LRP4: variants seen among roughly 807,000 people sequenced by gnomAD.
LRP4 encodes the protein LDL receptor related protein 4, also known as low-density lipoprotein receptor-related protein 4.
Under a neutral mutation model 220.3 loss-of-function variants are expected in LRP4, and 95 were observed. The ratio of observed to expected loss-of-function variants is 0.43; its 90% confidence interval spans 0.37 to 0.51. LRP4 has a LOEUF of 0.51. LRP4 is among the 20% of genes least tolerant of loss of function. The pLI is 0.00. For synonymous variants in LRP4, 903 were observed against 954.6 expected (o/e 0.95, Z 1.00); for missense variants, 1,925 against 2,567.0 (o/e 0.75, Z 5.40).
At chr11:46,889,641 T>G in intron 15 of LRP4, 108 bp from the exon 16 acceptor site, 1 of 1,469,476 alleles carries the variant, frequency 6.8e-7, no homozygotes, top group South Asian at 1.2e-5. Context: ...AGGGAGAAAC[T>G]ATGTCTTATA....
At position 46,890,167 on chromosome 11, in the gene LRP4, T is replaced by TCCC. The variant is rs1941387987; in HGVS notation, c.1916-50_1916-48dup. Reference sequence around the variant, plus strand: ...CTCAGTCTGGACGTGGTCTGCCATGTCCCCTGGGCCCAGGCCTGGCAACTA... The same window carrying TCCC: ...CTCAGTCTGGACGTGGTCTGCCATGTCCCCCCCTGGGCCCAGGCCTGGCAACTA... On this transcript the variant is annotated intron_variant, in intron 14 of 37. Transcript: ENST00000378623. This position sits in a 1 kb window ranked among gnomAD's most constrained non-coding sequence, Gnocchi z 5.3. 5.0e-6 allele frequency: 8 copies of TCCC among 1,608,804 alleles called. No individual in the cohort carries two copies. Among genetic ancestry groups the TCCC allele is most frequent in the Non-Finnish European group, 6.8e-6 (8 of 1,175,526 alleles).
chr11:46,914,230 C>G (rs951772727), intron 1 of LRP4, among the ~76,000 whole-genome samples: 1 of 152,148 alleles, frequency 6.6e-6, no homozygotes, highest in Non-Finnish European at 1.5e-5. Flanking sequence ...AGGTAACAAC[C>G]CTGAGGTTCA....
chr11:46,892,877 A>T (rs1039958600), intron 13 of LRP4, 96 bp downstream of exon 13: 13 of 1,484,642 alleles, frequency 8.8e-6, no homozygotes, highest in Non-Finnish European at 1.1e-5. Context: ...GCTACACCAC[A>T]CTTTGAGGAT....
intron 30 of LRP4, 96 bp from the exon 31 acceptor site, chr11:46,871,729 G>A: frequency 1.2e-6 from 1 of 813,728 alleles, no homozygotes; most frequent in Non-Finnish European, 2.1e-6. Context: ...TGAGCTGACT[G>A]GCAGATGCTA....
intron 1 of LRP4, among the ~76,000 whole-genome samples, chr11:46,916,284 A>C (rs921810698): frequency 6.6e-6 from 1 of 151,990 alleles, no homozygotes; most frequent in African/African-American, 2.4e-5. Context: ...AGAAAAAAAA[A>C]CAAAAATTTG....
intron 35 of LRP4, 56 bp from the exon 36 acceptor site, chr11:46,864,591 T>C (rs1592511757): frequency 1.7e-6 from 2 of 1,180,664 alleles, no homozygotes; most frequent in East Asian, 2.3e-5. Flanking sequence ...CTAGCGGTGC[T>C]GGTGTGAGGA....
intron 1 of LRP4, among the ~76,000 whole-genome samples, chr11:46,915,390 A>G (rs1005997994): frequency 1.2e-4 from 18 of 152,202 alleles, no homozygotes; most frequent in Non-Finnish European, 2.2e-4. Context: ...CCATGCCCTT[A>G]CTTCAAACTT....
chr11:46,906,379 C>A (rs1209773871), intron 1 of LRP4, among the ~76,000 whole-genome samples: 1 of 151,656 alleles, frequency 6.6e-6, no homozygotes, highest in African/African-American at 2.4e-5. Flanking sequence ...TTGCTTGAAC[C>A]ATGGAGGCAG....
intron 18 of LRP4, among the ~76,000 whole-genome samples, chr11:46,884,342 G>A (rs762254569): frequency 6.6e-6 from 1 of 151,864 alleles, no homozygotes; most frequent in Non-Finnish European, 1.5e-5. Flanking sequence ...GGTGGCTCAC[G>A]CCTGTAATCC....
intron 7 of LRP4, among the ~76,000 whole-genome samples, chr11:46,898,062 C>T (rs186930464): frequency 4.3e-5 from 6 of 138,890 alleles, no homozygotes; most frequent in Non-Finnish European, 6.4e-5. Context: ...CTGACCCCCC[C>T]ACCTCCCTCC....
chr11:46,886,289 G>A (rs1471935060), intron 17 of LRP4, 36 bp downstream of exon 17: 1 of 1,596,012 alleles, frequency 6.3e-7, no homozygotes, highest in African/African-American at 1.3e-5. Flanking sequence ...GGAGAGGGTG[G>A]ATTCCACCCT....
intron 1 of LRP4, among the ~76,000 whole-genome samples, chr11:46,917,013 C>T (rs777307839): frequency 1.3e-5 from 2 of 152,230 alleles, no homozygotes; most frequent in Non-Finnish European, 2.9e-5. Context: ...AGAAAGAGCT[C>T]AGTCCGCGCT....
At chr11:46,912,826 G>A (rs1220214780) in intron 1 of LRP4, among the ~76,000 whole-genome samples, 1 of 152,210 alleles carries the variant, frequency 6.6e-6, no homozygotes, top group Non-Finnish European at 1.5e-5. Context: ...CCCGCAAAAA[G>A]GCACTGCCTG....
chr11:46,873,516 T>TCCACTGCCAGC lies in LRP4; in HGVS notation c.4296_4306dup (p.Asp1436GlyfsTer34). The TCCACTGCCAGC allele has an allele frequency of 6.2e-7, 1 of 1,614,210 alleles. No homozygotes were observed. The highest frequency in any genetic ancestry group is 8.5e-7 in the Non-Finnish European group (1 of 1,180,044). On this transcript the variant is annotated frameshift_variant, in exon 29 of 38. Coordinates refer to ENST00000378623, the MANE Select transcript of LRP4 (RefSeq NM_002334.4). LOFTEE classifies it high-confidence loss of function. This position sits in a 1 kb window ranked among gnomAD's most constrained non-coding sequence, Gnocchi z 4.2. ...CCAGTACAGGTTCCTGGCCACCCAG[T>TCCACTGCCAGC]CCACTGCCAGCCCGTCAGTGGTCTT...
At chr11:46,906,060 AAGCACTGGACCTGG>A (rs1343634260) in intron 1 of LRP4, among the ~76,000 whole-genome samples, 1 of 152,094 alleles carries the variant, frequency 6.6e-6, no homozygotes, top group African/African-American at 2.4e-5. Context: ...GCAGAGGACA[AAGCACTGGACCTGG>A]AGCAGACAGA....
Position 46,858,792 on chromosome 11 carries a change from A to G in LRP4, c.*191T>C, listed in dbSNP as rs765161633. 6 of 647,362 alleles carry G rather than the reference A, an allele frequency of 9.3e-6. No individual in the cohort carries two copies. The highest frequency in any genetic ancestry group is 1.7e-5 in the Non-Finnish European group (6 of 357,182). The allele number at this position is 647,362 out of a possible 1,614,324, so 40.1% of individuals were successfully genotyped here. A position where few individuals can be genotyped will look rare whatever the true frequency, so the allele number is the denominator to read the frequency against. ...CAGGTCTAAATTCTCGTGATGTGCC[A>G]TCATTTCTTGTGCACAGGTAGTTAT... On this transcript the variant is annotated 3_prime_UTR_variant, in exon 38 of 38. Coordinates refer to ENST00000378623, the MANE Select transcript of LRP4 (RefSeq NM_002334.4).
At chr11:46,863,584 CAAAA>C (rs55744712) in intron 36 of LRP4, among the ~76,000 whole-genome samples, 7 of 54,148 alleles carry the variant, frequency 1.3e-4, no homozygotes, top group East Asian at 5.1e-4. Context: ...ACTAAAAATA[CAAAA>C]AAAAAAAAAA....
chr11:46,918,329 G>A lies in LRP4; in HGVS notation c.51C>T (p.His17=), dbSNP rs1468417987. The A allele has an allele frequency of 6.6e-6, 10 of 1,508,340 alleles. No individual in the cohort carries two copies. In the East Asian group the frequency reaches 1.6e-4, roughly 24 times the overall value. The allele number at this position is 1,508,340 out of a possible 1,614,324, so 93.4% of individuals were successfully genotyped here. A position where few individuals can be genotyped will look rare whatever the true frequency, so the allele number is the denominator to read the frequency against. Residue 17 remains histidine (H), a splice_region_variant and synonymous_variant, in exon 1 of 38, where the codon CAC becomes CAT. Coordinates refer to ENST00000378623, the MANE Select transcript of LRP4 (RefSeq NM_002334.4). This position sits in a 1 kb window ranked among gnomAD's most constrained non-coding sequence, Gnocchi z 6.0. ...ALLLGALLCA[H]GLASSPECAC... is the part of the protein sequence containing the mutation. ...ACTTTCCCGGCGGGCGCCGCTTACC[G>A]TGTGCGCAGAGCAGGGCGCCAAGCA...
At chr11:46,908,251 C>A (rs1941794129) in intron 1 of LRP4, among the ~76,000 whole-genome samples, 1 of 152,120 alleles carries the variant, frequency 6.6e-6, no homozygotes. Flanking sequence ...TAAATACTTA[C>A]CAGGTGCCCT....
Sources: allele counts gnomAD v4.1 joint callset (sites outside exome capture counted in the v4.1 genomes callset), GRCh38; gene constraint gnomAD v4.1.1; non-coding constraint Gnocchi (gnomAD v3.1); transcripts MANE v1.5; gene names NCBI Gene and HGNC (gene_info 2026-07-23, HGNC 2026-07-21).